MAST4: variants seen among roughly 807,000 people sequenced by gnomAD.
MAST4 encodes the protein microtubule-associated serine/threonine-protein kinase 4.
MAST4 carries 89 observed loss-of-function variants against 162.7 expected under a neutral mutation model. The ratio of observed to expected loss-of-function variants is 0.55; its 90% CI spans 0.46 to 0.65. MAST4 has a LOEUF of 0.65. MAST4 is among the 30% of genes least tolerant of loss of function. MAST4 has a pLI of 0.00. For missense variants in MAST4, 3,153 were observed against 3,374.0 expected, an observed-to-expected ratio of 0.93 and a Z score of 1.62; for synonymous variants, 1,479 against 1,361.1, an observed-to-expected ratio of 1.09 and a Z score of -1.91.
intron 4 of MAST4, among the ~76,000 whole-genome samples, chr5:66,924,070 C>G (rs1007497427): frequency 6.6e-6 from 1 of 152,198 alleles, no homozygotes; most frequent in Non-Finnish European, 1.5e-5. Flanking sequence ...AGCCACCTTG[C>G]TGTTCCATTT....
intron 4 of MAST4, among the ~76,000 whole-genome samples, chr5:66,927,640 T>TCA (rs781316227): frequency 6.6e-6 from 1 of 151,868 alleles, no homozygotes; most frequent in Admixed American, 6.6e-5. Flanking sequence ...AGGCAGAGAG[T>TCA]CACACACAGT....
chr5:66,616,637 C>T (rs1399730247), intron 1 of MAST4, among the ~76,000 whole-genome samples: 1 of 152,136 alleles, frequency 6.6e-6, no homozygotes, highest in Non-Finnish European at 1.5e-5. Context: ...TGTAGAACCC[C>T]CAAGCAGCCA....
chr5:67,095,039 A>C (rs1320408440), intron 6 of MAST4, among the ~76,000 whole-genome samples: 1 of 152,190 alleles, frequency 6.6e-6, no homozygotes, highest in Non-Finnish European at 1.5e-5. Context: ...GCATAAGGTC[A>C]GTTACTTACT....
chr5:66,836,303 T>C (rs1757966274), intron 3 of MAST4, among the ~76,000 whole-genome samples: 1 of 152,126 alleles, frequency 6.6e-6, no homozygotes, highest in African/African-American at 2.4e-5. Context: ...CATTATATGT[T>C]GGTGAGGTGC....
chr5:67,054,919 G>A (rs1389582313), intron 5 of MAST4, among the ~76,000 whole-genome samples: 1 of 152,102 alleles, frequency 6.6e-6, no homozygotes, highest in African/African-American at 2.4e-5. Flanking sequence ...ATTTAAGAGA[G>A]AGCCTTTGGC....
At chr5:66,624,281 C>T (rs1744278103) in intron 1 of MAST4, among the ~76,000 whole-genome samples, 1 of 151,146 alleles carries the variant, frequency 6.6e-6, no homozygotes, top group South Asian at 2.1e-4. Flanking sequence ...GCCTCCCCAG[C>T]AGCTGGGACT....
chr5:66,935,850 T>G (rs1742686733), intron 4 of MAST4, among the ~76,000 whole-genome samples: 1 of 152,056 alleles, frequency 6.6e-6, no homozygotes, highest in Non-Finnish European at 1.5e-5. Context: ...GTATTTTTAG[T>G]AGAGACGGGG....
rs527582129 is a variant in MAST4, at chr5:66,780,004, TC to T, written c.518-8665del. Among the ~76,000 whole-genome samples the T allele has an allele frequency of 3.3e-5, 5 of 152,288 alleles. No individual in the cohort carries two copies. In the East Asian group the frequency reaches 9.7e-4, roughly 29 times the overall value. ...AACAAAAAGGATCCTCTTATTTTTT[TC>T]TTCTATAAGGTACAGTGGTATTGGC... On this transcript the variant is annotated intron_variant, in intron 2 of 28. Transcript: ENST00000403625.
At chr5:66,609,705 G>GTTTTTTTTTTTTTTTT (rs77135146) in intron 1 of MAST4, among the ~76,000 whole-genome samples, 5 of 106,724 alleles carry the variant, frequency 4.7e-5, no homozygotes, top group East Asian at 2.5e-4. Flanking sequence ...TTTTTTTTTT[G>GTTTTTTTTTTTTTTTT]TTTTTTTTTT....
At chr5:66,722,848 C>T (rs564152172) in intron 1 of MAST4, among the ~76,000 whole-genome samples, 1 of 152,046 alleles carries the variant, frequency 6.6e-6, no homozygotes, top group African/African-American at 2.4e-5. Flanking sequence ...GGAGAGATAC[C>T]CTCCTTACTT....
At chr5:67,088,872 C>T (rs1300875751) in intron 5 of MAST4, among the ~76,000 whole-genome samples, 1 of 152,160 alleles carries the variant, frequency 6.6e-6, no homozygotes, top group Non-Finnish European at 1.5e-5. Flanking sequence ...AAATTTGCAA[C>T]CTTCAGTTAA....
At chr5:66,697,786 T>A (rs1432211341) in intron 1 of MAST4, among the ~76,000 whole-genome samples, 1 of 152,242 alleles carries the variant, frequency 6.6e-6, no homozygotes, top group Non-Finnish European at 1.5e-5. Flanking sequence ...TAATGTTTTT[T>A]AAATGTCTGC....
chr5:66,970,310 G>A (rs1423513272), intron 4 of MAST4, among the ~76,000 whole-genome samples: 4 of 152,240 alleles, frequency 2.6e-5, no homozygotes, highest in Non-Finnish European at 4.4e-5. Flanking sequence ...CAAGTGGGTA[G>A]CAGTAATGGG....
chr5:66,637,600 T>TA (rs1175673308), intron 1 of MAST4, among the ~76,000 whole-genome samples: 2 of 152,156 alleles, frequency 1.3e-5, no homozygotes, highest in Non-Finnish European at 2.9e-5. Context: ...TAGAAATTGT[T>TA]ATATTGGGGA....
rs749644605 is a variant in MAST4, at chr5:67,104,471, A to C, written c.1252A>C (p.Ile418Leu). 1 of 1,613,768 alleles carries C rather than the reference A, an allele frequency of 6.2e-7. No homozygotes were observed. The highest frequency in any genetic ancestry group is 2.2e-5 in the East Asian group (1 of 44,890). The change falls in exon 10 of 29, where the codon ATT becomes CTT. Residue 418 changes from isoleucine (I) to leucine (L), a missense_variant. Physicochemically the swap from Ile to Leu is conservative, Grantham distance 5 (BLOSUM62 2). Coordinates refer to ENST00000403625, the MANE Select transcript of MAST4 (RefSeq NM_001164664.2). ...DGVLSFTHHQ[I>L]IELARDCLDK... ...AGTGCTTAGTTTCACTCACCACCAG[A>C]TTATTGAACTGGCTCGAGATTGCTT...
At chr5:66,707,244 A>G (rs776522938) in intron 1 of MAST4, among the ~76,000 whole-genome samples, 3 of 152,224 alleles carry the variant, frequency 2.0e-5, no homozygotes, top group Admixed American at 6.5e-5. Context: ...AATACGTCAC[A>G]AACGGGCTTC....
chr5:66,752,426 C>T (rs1239793176), intron 1 of MAST4, among the ~76,000 whole-genome samples: 6 of 147,354 alleles, frequency 4.1e-5, no homozygotes, highest in Admixed American at 6.7e-5. Flanking sequence ...CACACATAGG[C>T]TCAAAATAAA....
intron 1 of MAST4, among the ~76,000 whole-genome samples, chr5:66,628,714 A>G (rs1744606452): frequency 1.3e-5 from 2 of 152,156 alleles, no homozygotes; most frequent in African/African-American, 4.8e-5. Flanking sequence ...CTGGAAGAGG[A>G]GGGCCAAAAC....
At chr5:67,160,336 C>T in intron 26 of MAST4, 120 bp from the exon 27 acceptor site, 1 of 1,025,376 alleles carries the variant, frequency 9.8e-7, no homozygotes, top group Non-Finnish European at 1.4e-6. Flanking sequence ...TATTTAGAAA[C>T]AGAAGGCCTT....
Sources: gnomAD v4.1 joint callset for allele counts (sites outside exome capture counted in the v4.1 genomes callset) on GRCh38, gnomAD v4.1.1 for gene constraint, MANE v1.5 for transcripts, NCBI Gene and HGNC (gene_info 2026-07-23, HGNC 2026-07-21) for gene names.